The following PPP1R12A variants were observed in gnomAD, a reference collection of about 807,000 sequenced individuals.
The protein encoded by PPP1R12A is myosin binding subunit.
Under a neutral mutation model 139.6 loss-of-function variants are expected in PPP1R12A, and 19 were observed. The ratio of observed to expected loss-of-function variants is 0.14; its 90% CI spans 0.09 to 0.20. The LOEUF is 0.20. PPP1R12A is among the 10% of genes least tolerant of loss of function. The pLI is 1.00. For missense variants in PPP1R12A, 925 were observed against 1,211.5 expected, an observed-to-expected ratio of 0.76 and a Z score of 3.51; for synonymous variants, 427 against 420.6, an observed-to-expected ratio of 1.02 and a Z score of -0.19.
intron 4 of PPP1R12A, among the ~76,000 whole-genome samples, chr12:79,828,782 A>G (rs1329877371): frequency 1.3e-5 from 2 of 152,272 alleles, no homozygotes; most frequent in African/African-American, 2.4e-5. Context: ...AGAAAAGCCC[A>G]TAATTTTTCA....
At chr12:79,807,495 AT>A (rs1873976713) in intron 11 of PPP1R12A, among the ~76,000 whole-genome samples, 165 bp from the exon 12 acceptor site, 1 of 152,004 alleles carries the variant, frequency 6.6e-6, no homozygotes, top group African/African-American at 2.4e-5. Context: ...CTAAGATTAT[AT>A]ACCCTAAGGT....
chr12:79,901,233 A>C (rs984557776), intron 1 of PPP1R12A, among the ~76,000 whole-genome samples: 1 of 152,166 alleles, frequency 6.6e-6, no homozygotes, highest in African/African-American at 2.4e-5. Context: ...TCCAAAGGAA[A>C]ATTTTAGTAG....
chr12:79,821,783 T>C (rs951412199), intron 6 of PPP1R12A, among the ~76,000 whole-genome samples: 7 of 151,676 alleles, frequency 4.6e-5, no homozygotes, highest in African/African-American at 7.3e-5. Context: ...TCTAGTGATA[T>C]AACTCCTTGC....
chr12:79,830,097 C>T (rs1450039949), intron 4 of PPP1R12A, among the ~76,000 whole-genome samples: 1 of 150,380 alleles, frequency 6.6e-6, no homozygotes, highest in East Asian at 1.9e-4. Flanking sequence ...AATATGTTCA[C>T]AAAGTTAAAA....
At position 79,782,522 on chromosome 12, in the gene PPP1R12A, T is replaced by C. The variant is rs768593301; in HGVS notation, c.2908-660A>G. ...GCTCAAAGCTGATGAAATCCTGATA[T>C]ATAAGCTTGGCTTTAAGGGATGGAA... On this transcript the variant is annotated intron_variant, in intron 22 of 24. Coordinates refer to ENST00000450142, the MANE Select transcript of PPP1R12A (RefSeq NM_002480.3). The C allele has an allele frequency of 3.1e-5, 14 of 450,870 alleles. No homozygotes were observed. In the Middle Eastern group the frequency reaches 3.6e-3, roughly 116 times the overall value. 27.9% of individuals were successfully genotyped at this position (450,870 alleles called of 1,614,324 possible). A position where few individuals can be genotyped will look rare whatever the true frequency, so the allele number is the denominator to read the frequency against.
At chr12:79,833,350 A>AT in intron 3 of PPP1R12A, among the ~76,000 whole-genome samples, 1 of 152,308 alleles carries the variant, frequency 6.6e-6, no homozygotes, top group East Asian at 1.9e-4. Flanking sequence ...CTTGGAAAAA[A>AT]AATTAAAGAA....
chr12:79,832,628 C>T (rs1877565141), intron 3 of PPP1R12A, 137 bp from the exon 4 acceptor site: 3 of 870,750 alleles, frequency 3.4e-6, no homozygotes, highest in Non-Finnish European at 3.2e-6. Flanking sequence ...CTGCTTATAA[C>T]AAGTTGGTTA....
chr12:79,935,384 T>A (rs936167419), upstream of PPP1R12A: 1 of 994,778 alleles, frequency 1.0e-6, no homozygotes, highest in Non-Finnish European at 1.2e-6. Context: ...AGGAAGGTTG[T>A]CCTGTCGGGC....
chr12:79,793,349 T>C lies in PPP1R12A; in HGVS notation c.2649+514A>G, dbSNP rs114440880. ...TTTAGATTCTCAACATAAAAATCTG[T>C]TGGAGACTCTAAATTTCTAAATATA... On this transcript the variant is annotated intron_variant, in intron 19 of 24. Coordinates refer to ENST00000450142, the MANE Select transcript of PPP1R12A (RefSeq NM_002480.3). Among the ~76,000 whole-genome samples, 790 of 152,254 alleles carry C rather than the reference T, an allele frequency of 5.2e-3. 5 individuals are homozygous for C. Among genetic ancestry groups the C allele is most frequent in the African/African-American group, 0.018 (750 of 41,554 alleles).
intron 22 of PPP1R12A, 138 bp from the exon 23 acceptor site, chr12:79,782,000 A>C: frequency 2.2e-6 from 1 of 463,370 alleles, no homozygotes; most frequent in East Asian, 3.4e-5. Flanking sequence ...AGCAAAGAGA[A>C]AACAGGATTT....
intron 3 of PPP1R12A, among the ~76,000 whole-genome samples, chr12:79,838,463 A>AG (rs1320135594): frequency 5.9e-5 from 9 of 152,206 alleles, no homozygotes; most frequent in Non-Finnish European, 1.3e-4. Context: ...GCCAAGACAA[A>AG]GGGGAAAAGG....
At chr12:79,901,946 G>C (rs1182747653) in intron 1 of PPP1R12A, among the ~76,000 whole-genome samples, 1 of 152,186 alleles carries the variant, frequency 6.6e-6, no homozygotes, top group Non-Finnish European at 1.5e-5. Flanking sequence ...ATAAGGGATG[G>C]AAAGACTGTT....
chr12:79,805,073 T>C (rs1873660343), intron 14 of PPP1R12A, among the ~76,000 whole-genome samples: 1 of 152,198 alleles, frequency 6.6e-6, no homozygotes. Context: ...AGAGATAAAA[T>C]TAAATGAATG....
intron 2 of PPP1R12A, among the ~76,000 whole-genome samples, chr12:79,850,792 G>A (rs954360526): frequency 6.6e-6 from 1 of 152,078 alleles, no homozygotes; most frequent in African/African-American, 2.4e-5. Flanking sequence ...GTTCTCACGA[G>A]ATATGGCTGT....
At chr12:79,847,250 A>C (rs1346665223) in intron 2 of PPP1R12A, among the ~76,000 whole-genome samples, 2 of 152,222 alleles carry the variant, frequency 1.3e-5, no homozygotes, top group Non-Finnish European at 2.9e-5. Flanking sequence ...TAAATGAAGT[A>C]TAATGTAACT....
At chr12:79,843,567 G>A (rs937922401) in intron 3 of PPP1R12A, among the ~76,000 whole-genome samples, 1 of 151,338 alleles carries the variant, frequency 6.6e-6, no homozygotes, top group African/African-American at 2.4e-5. Flanking sequence ...TTGCGCCACT[G>A]CACTCCAGCC....
intron 2 of PPP1R12A, among the ~76,000 whole-genome samples, chr12:79,864,672 C>T (rs991739787): frequency 5.3e-5 from 8 of 152,242 alleles, no homozygotes; most frequent in South Asian, 4.1e-4. Flanking sequence ...TACAAACTAC[C>T]ATCAGAGAAT....
chr12:79,852,544 A>T (rs1880178474), intron 2 of PPP1R12A, among the ~76,000 whole-genome samples: 1 of 152,084 alleles, frequency 6.6e-6, no homozygotes. Context: ...ATAAGACTCT[A>T]GATCTTACTT....
intron 2 of PPP1R12A, among the ~76,000 whole-genome samples, chr12:79,860,997 TAGA>T (rs1337114182): frequency 2.0e-5 from 3 of 152,114 alleles, no homozygotes; most frequent in African/African-American, 4.8e-5. Flanking sequence ...TGACACAGGT[TAGA>T]AGAAGTTAAA....
Sources: allele counts gnomAD v4.1 joint callset (sites outside exome capture counted in the v4.1 genomes callset), GRCh38; gene constraint gnomAD v4.1.1; transcripts MANE v1.5; gene names NCBI Gene and HGNC (gene_info 2026-07-23, HGNC 2026-07-21).